VAMP3: variants seen among roughly 807,000 people sequenced by gnomAD.
The protein encoded by VAMP3 is vesicle associated membrane protein 3, also known as vesicle-associated membrane protein 3.
A neutral mutation model predicts 18.1 loss-of-function variants in VAMP3; 11 were observed. That is an observed-to-expected ratio of 0.61 (90% CI 0.38 to 1.00). The LOEUF (loss-of-function observed/expected upper bound fraction) is 1.00. Ranked by LOEUF, VAMP3 falls within the 50% of genes least tolerant of loss-of-function variation. The pLI, the probability that VAMP3 is intolerant of heterozygous loss-of-function variation, is 0.01. For synonymous variants in VAMP3, 49 were observed against 43.1 expected (o/e 1.14, Z -0.53); for missense variants, 122 against 127.3 (o/e 0.96, Z 0.20).
intron 2 of VAMP3, among the ~76,000 whole-genome samples, chr1:7,774,515 T>C (rs77404158): frequency 0.01 from 1,537 of 152,336 alleles, 16 homozygotes; most frequent in Middle Eastern, 0.027. Context: ...TTCAGAACTT[T>C]TTCATCACCC....
chr1:7,773,316 C>G, intron 1 of VAMP3, 126 bp from the exon 2 acceptor site: 1 of 718,558 alleles, frequency 1.4e-6, no homozygotes, highest in Admixed American at 3.2e-5. Context: ...GGAAGAATTT[C>G]TTTTTCTGTT....
chr1:7,778,515 C>T (rs996739298), intron 4 of VAMP3, among the ~76,000 whole-genome samples: 3 of 151,356 alleles, frequency 2.0e-5, no homozygotes, highest in Admixed American at 6.6e-5. Context: ...GTCTGGGTGA[C>T]AGAGTGAGAC....
rs1301569124 is a variant in VAMP3, at chr1:7,778,161, T to G, written c.275T>G (p.Ile92Ser). 3 of 1,614,184 alleles carry G rather than the reference T, an allele frequency of 1.9e-6. No individual in the cohort carries two copies. The highest frequency in any genetic ancestry group is 2.5e-6 in the Non-Finnish European group (3 of 1,180,024). ...ACTGTTCTGGTTATCTTCATCATCA[T>G]CATCATCGGTGAGTTACCCTTTTCT... ...GITVLVIFII[I>S]IIVWVVSS Residue 92 changes from isoleucine (I) to serine (S), a missense_variant, in exon 4 of 5, where the codon ATC (isoleucine) becomes AGC (serine). Ile to Ser is a moderately radical substitution (Grantham distance 142). Coordinates refer to ENST00000054666, the MANE Select transcript of VAMP3 (RefSeq NM_004781.4).
chr1:7,773,592 A>G lies in VAMP3; in HGVS notation c.72+81A>G, dbSNP rs940482858. 15 of 1,358,506 alleles carry G rather than the reference A, an allele frequency of 1.1e-5. No homozygotes were observed. In the Middle Eastern group the frequency reaches 5.4e-4, roughly 49 times the overall value. The allele number at this position is 1,358,506 out of a possible 1,614,324, so 84.2% of individuals were successfully genotyped here. A position where few individuals can be genotyped will look rare whatever the true frequency, so the allele number is the denominator to read the frequency against. The stretch of plus-strand genomic sequence containing the variant: ...AATCTGTTTAGAAAAAGTATCATCA[A>G]AGTGTGAATGTAAAGCAAATTCTGA... On this transcript the variant is annotated intron_variant, in intron 2 of 4. Coordinates refer to ENST00000054666, the MANE Select transcript of VAMP3 (RefSeq NM_004781.4).
Position 7,778,176 on chromosome 1 carries a change from T to C in VAMP3, c.283+7T>C. 6.2e-7 allele frequency: 1 copy of C among 1,614,188 alleles called. No homozygotes were observed. The highest frequency in any genetic ancestry group is 1.3e-5 in the African/African-American group (1 of 75,060). On this transcript the variant is annotated splice_region_variant and intron_variant, in intron 4 of 4. Coordinates refer to ENST00000054666, the MANE Select transcript of VAMP3 (RefSeq NM_004781.4). ...TTCATCATCATCATCATCGGTGAGTTACCCTTTTCTAAACTGATTGGAAAA... is the reference window on the plus strand; with the variant it reads ...TTCATCATCATCATCATCGGTGAGTCACCCTTTTCTAAACTGATTGGAAAA...
intron 3 of VAMP3, 96 bp downstream of exon 3, chr1:7,777,414 G>A: frequency 2.1e-6 from 3 of 1,455,146 alleles, no homozygotes; most frequent in Non-Finnish European, 1.8e-6. Flanking sequence ...GACTCTGGGA[G>A]GTGGGTTTGA....
At position 7,781,154 on chromosome 1, in the gene VAMP3, A is replaced by G. The variant is rs1278747535; in HGVS notation, c.*1509A>G. ...CCATTTCTTTAACGTCTGTTCCCTT[A>G]ACATCGCTGAAATGATTTACTGTTG... On this transcript the variant is annotated 3_prime_UTR_variant, in exon 5 of 5. Coordinates refer to ENST00000054666, the MANE Select transcript of VAMP3 (RefSeq NM_004781.4). The G allele has an allele frequency of 3.3e-5, 5 of 152,848 alleles. No individual in the cohort carries two copies. The highest frequency in any genetic ancestry group is 7.3e-5 in the Non-Finnish European group (5 of 68,066). The allele number at this position is 152,848 out of a possible 1,614,324, so 9.5% of individuals were successfully genotyped here.
intron 1 of VAMP3, among the ~76,000 whole-genome samples, chr1:7,771,963 C>T (rs1020678325): frequency 7.2e-5 from 11 of 152,250 alleles, no homozygotes; most frequent in African/African-American, 2.7e-4. Flanking sequence ...AGGACTCCCT[C>T]TTCCACCTCC....
rs2097056884 is a variant in VAMP3, at chr1:7,781,076, T to C, written c.*1431T>C. 6.5e-6 allele frequency: 1 copy of C among 152,820 alleles called. No homozygotes were observed. Among genetic ancestry groups the C allele is most frequent in the Non-Finnish European group, 1.5e-5 (1 of 68,046 alleles). 9.5% of individuals were successfully genotyped at this position (152,820 alleles called of 1,614,324 possible). On this transcript the variant is annotated 3_prime_UTR_variant, in exon 5 of 5. Transcript: ENST00000054666. ...GAATATTCTAAAACTCTTGTTCACA[T>C]GCTATTATGACTTATAAAGCAGCAA... is the stretch of plus-strand genomic sequence containing the variant.
At position 7,779,929 on chromosome 1, in the gene VAMP3, CTAAT is replaced by C. The variant is rs2097056262; in HGVS notation, c.*290_*293del. On this transcript the variant is annotated 3_prime_UTR_variant, in exon 5 of 5. Transcript: ENST00000054666. ...CTATAATCTAGATGTAATGTTGTCA[CTAAT>C]TAATTGCCATTACTCCCAGTTAGTT... The C allele has an allele frequency of 2.7e-6, 1 of 368,438 alleles. No individual in the cohort carries two copies. The highest frequency in any genetic ancestry group is 4.9e-6 in the Non-Finnish European group (1 of 204,496). 22.8% of individuals were successfully genotyped at this position (368,438 alleles called of 1,614,324 possible).
Position 7,779,942 on chromosome 1 carries a change from ATTACTCCCAGTTAG to A in VAMP3, c.*302_*315del, listed in dbSNP as rs1173061407. Reference sequence around the variant, plus strand: ...GTAATGTTGTCACTAATTAATTGCCATTACTCCCAGTTAGTTACCCTTGTCATTTGGCATTATTT... The same window carrying A: ...GTAATGTTGTCACTAATTAATTGCCATTACCCTTGTCATTTGGCATTATTT... On this transcript the variant is annotated 3_prime_UTR_variant, in exon 5 of 5. Transcript: ENST00000054666. 4 of 343,888 alleles carry A rather than the reference ATTACTCCCAGTTAG, an allele frequency of 1.2e-5. No individual in the cohort carries two copies. The Admixed American group carries it at 1.9e-4, about 16-fold the overall frequency. The allele number at this position is 343,888 out of a possible 1,614,324, so 21.3% of individuals were successfully genotyped here. A position where few individuals can be genotyped will look rare whatever the true frequency, so the allele number is the denominator to read the frequency against.
intron 1 of VAMP3, 34 bp from the exon 2 acceptor site, chr1:7,773,407 TA>T: frequency 6.4e-7 from 1 of 1,570,200 alleles, no homozygotes; most frequent in Non-Finnish European, 8.8e-7. Context: ...TTTGGAATCG[TA>T]ATGTACTCAT....
In VAMP3 at chr1:7,773,456, C is replaced by T; in HGVS notation, c.17C>T (p.Thr6Ile). The stretch of plus-strand genomic sequence containing the variant: ...ACATGTTCCAGGTCTACAGGTCCAA[C>T]TGCTGCCACTGGCAGTAATCGAAGA... MSTGP[T>I]AATGSNRRLQ... Residue 6 changes from threonine to isoleucine, a missense_variant, in exon 2 of 5, where the codon ACT becomes ATT. Transcript: ENST00000054666. The T allele has an allele frequency of 6.2e-7, 1 of 1,614,142 alleles. No homozygotes were observed. The highest frequency in any genetic ancestry group is 8.5e-7 in the Non-Finnish European group (1 of 1,180,004).
rs953195542 is a variant in VAMP3, at chr1:7,780,993, A to C, written c.*1348A>C. On this transcript the variant is annotated 3_prime_UTR_variant, in exon 5 of 5. Coordinates refer to ENST00000054666, the MANE Select transcript of VAMP3 (RefSeq NM_004781.4). The stretch of plus-strand genomic sequence containing the variant: ...AATTCAGGTATGAAAGAAAACAGGC[A>C]AGGAGGCACTGAGGGAGAAAGACAC... The C allele has an allele frequency of 3.9e-5, 6 of 152,830 alleles. No homozygotes were observed. The highest frequency in any genetic ancestry group is 1.2e-4 in the African/African-American group (5 of 41,470). The allele number at this position is 152,830 out of a possible 1,614,324, so 9.5% of individuals were successfully genotyped here. A position where few individuals can be genotyped will look rare whatever the true frequency, so the allele number is the denominator to read the frequency against.
At chr1:7,778,765 C>T (rs945285358) in intron 4 of VAMP3, among the ~76,000 whole-genome samples, 2 of 152,138 alleles carry the variant, frequency 1.3e-5, no homozygotes, top group African/African-American at 4.8e-5. Context: ...CATCCTGGCT[C>T]CACCACCATC....
intron 2 of VAMP3, among the ~76,000 whole-genome samples, chr1:7,775,697 A>G (rs180709424): frequency 1.2e-3 from 183 of 152,314 alleles, no homozygotes; most frequent in African/African-American, 4.2e-3. Context: ...ATGAAGTCCA[A>G]TGTATCTGTT....
chr1:7,779,556 G>A, intron 4 of VAMP3, 70 bp from the exon 5 acceptor site: 1 of 1,604,524 alleles, frequency 6.2e-7, no homozygotes, highest in African/African-American at 1.3e-5. Context: ...ATTGGATGTT[G>A]GCTTGGGATT....
chr1:7,779,112 A>G (rs796653036), intron 4 of VAMP3, among the ~76,000 whole-genome samples: 2 of 152,036 alleles, frequency 1.3e-5, no homozygotes, highest in East Asian at 1.9e-4. Context: ...GGAGAATGGC[A>G]TGAACCCGGG....
intron 4 of VAMP3, among the ~76,000 whole-genome samples, chr1:7,778,466 C>G (rs2097055461): frequency 6.6e-6 from 1 of 151,828 alleles, no homozygotes; most frequent in Non-Finnish European, 1.5e-5. Flanking sequence ...CCCAGGAATT[C>G]AAGGCTGCAG....
Sources: gnomAD v4.1 joint callset for allele counts (sites outside exome capture counted in the v4.1 genomes callset) on GRCh38, gnomAD v4.1.1 for gene constraint, MANE v1.5 for transcripts, NCBI Gene and HGNC (gene_info 2026-07-23, HGNC 2026-07-21) for gene names.